Variants in TMEM63B observed in about 807,000 individuals in gnomAD.
The protein encoded by TMEM63B is mechanosensitive cation channel TMEM63B.
A neutral mutation model predicts 102.6 loss-of-function variants in TMEM63B; 23 were observed. That is an observed-to-expected ratio of 0.22 (90% CI 0.16 to 0.32). The LOEUF (loss-of-function observed/expected upper bound fraction) is 0.32, where lower values mean the gene tolerates loss of function less well. Among genes scored for constraint, TMEM63B ranks in the 10% least tolerant of loss-of-function variants. The probability of loss-of-function intolerance (pLI) is 1.00; values close to 1 mark genes in which losing one functional copy is unlikely to be tolerated. For synonymous variants in TMEM63B, 444 were observed against 437.0 expected (o/e 1.02, Z -0.20); for missense variants, 628 against 1,095.9 (o/e 0.57, Z 6.03).
rs549324639 is a variant in TMEM63B, at chr6:44,136,020, C to T, written c.279-329C>T. ...TAATGTTGGCTCCGTTGCCCGCCCC[C>T]GGCCCCTGCCAGTCAACTCTGGAAC... On this transcript the variant is annotated intron_variant, in intron 4 of 23. Coordinates refer to ENST00000323267, the MANE Select transcript of TMEM63B (RefSeq NM_018426.3). Among the ~76,000 whole-genome samples the T allele has an allele frequency of 5.3e-5, 8 of 152,286 alleles. No individual in the cohort carries two copies. In the South Asian group the frequency reaches 6.2e-4, roughly 12 times the overall value.
At chr6:44,142,280 A>G (rs1354359971) in intron 10 of TMEM63B, among the ~76,000 whole-genome samples, 1 of 151,830 alleles carries the variant, frequency 6.6e-6, no homozygotes, top group Non-Finnish European at 1.5e-5. Flanking sequence ...AAAAAAAAAA[A>G]AAAAAAATCA....
At chr6:44,138,433 G>A (rs766388897) in intron 5 of TMEM63B, 47 bp from the exon 6 acceptor site, 21 of 1,613,222 alleles carry the variant, frequency 1.3e-5, no homozygotes, top group African/African-American at 8.0e-5. Flanking sequence ...AGAGAGGTTC[G>A]GGTTGGTGGG....
intron 10 of TMEM63B, among the ~76,000 whole-genome samples, chr6:44,145,389 T>G (rs937149279): frequency 2.0e-5 from 3 of 149,058 alleles, no homozygotes; most frequent in East Asian, 2.0e-4. Context: ...GAGACCAGCC[T>G]GGCCAACATG....
chr6:44,148,369 G>A lies in TMEM63B; in HGVS notation c.1105G>A (p.Glu369Lys). 6.2e-7 allele frequency: 1 copy of A among 1,614,246 alleles called. No homozygotes were observed. The highest frequency in any genetic ancestry group is 8.5e-7 in the Non-Finnish European group (1 of 1,180,042). ...LGMAFVTFHN[E>K]TITAIILKDF... ...CATGGCCTTTGTCACCTTCCACAAT[G>A]AGACTATCACCGCCATGTGAGTCCC... The change falls in exon 13 of 24, where the codon GAG becomes AAG. Residue 369 changes from glutamate (E) to lysine (K), a missense_variant. By Grantham distance (56) the Glu-to-Lys change is moderately conservative (BLOSUM62 1). Coordinates refer to ENST00000323267, the MANE Select transcript of TMEM63B (RefSeq NM_018426.3). This position sits in a 1 kb window ranked among gnomAD's most constrained non-coding sequence, Gnocchi z 5.1.
chr6:44,138,352 T>A, intron 5 of TMEM63B, 128 bp from the exon 6 acceptor site: 1 of 1,035,244 alleles, frequency 9.7e-7, no homozygotes, highest in Non-Finnish European at 1.5e-6. Flanking sequence ...GGTATAAGGA[T>A]TTTTTTTTAG....
Position 44,139,537 on chromosome 6 carries a change from G to A in TMEM63B, c.478G>A (p.Gly160Arg), listed in dbSNP as rs762999319. ...HYLSFQRHII[G>R]LLVVVGVLSV... The stretch of plus-strand genomic sequence containing the variant: ...CCTGTCCTTTCAGCGGCACATCATC[G>A]GGCTGCTGGTGGTTGTGGGCGTCCT... The change falls in exon 7 of 24, where the codon GGG becomes AGG. Residue 160 changes from glycine to arginine, a missense_variant. Gly to Arg is a moderately radical substitution (Grantham distance 125). Coordinates refer to ENST00000323267, the MANE Select transcript of TMEM63B (RefSeq NM_018426.3). 6.8e-6 allele frequency: 11 copies of A among 1,614,210 alleles called. No individual in the cohort carries two copies. The highest frequency in any genetic ancestry group is 7.6e-6 in the Non-Finnish European group (9 of 1,180,048).
intron 1 of TMEM63B, among the ~76,000 whole-genome samples, chr6:44,128,751 G>A (rs752683734): frequency 6.6e-6 from 1 of 152,250 alleles, no homozygotes; most frequent in African/African-American, 2.4e-5. Flanking sequence ...CCAGGCCAGG[G>A]TGAGGTGGGG....
chr6:44,139,739 C>T lies in TMEM63B; in HGVS notation c.582C>T (p.Thr194=). ...ENNAYSFGRT[T]IANLKSGNNL... ...ATGCCTACAGCTTTGGGAGAACCAC[C>T]ATTGCCAACTTGAAATCAGGGTAAG... The change falls in exon 8 of 24, where the codon ACC becomes ACT. Residue 194 remains threonine, a synonymous_variant. Transcript: ENST00000323267. 1 of 1,614,160 alleles carries T rather than the reference C, an allele frequency of 6.2e-7. No homozygotes were observed. Among genetic ancestry groups the T allele is most frequent in the Middle Eastern group, 1.6e-4 (1 of 6,062 alleles).
chr6:44,128,060 T>G (rs1211410508), intron 1 of TMEM63B, among the ~76,000 whole-genome samples: 1 of 150,968 alleles, frequency 6.6e-6, no homozygotes, highest in Non-Finnish European at 1.5e-5. Flanking sequence ...CGCCGCCGTT[T>G]GGGGAACTAG....
chr6:44,148,709 G>A lies in TMEM63B; in HGVS notation c.1259+59G>A, dbSNP rs1445326654. The A allele has an allele frequency of 3.7e-6, 6 of 1,610,816 alleles. No individual in the cohort carries two copies. The highest frequency in any genetic ancestry group is 4.2e-6 in the Non-Finnish European group (5 of 1,177,540). ...GGCCTGGGATGGGCTCAGTAGGTAG[G>A]CGGAGGAGAGGGAGTGTCTTGGTGT... On this transcript the variant is annotated intron_variant, in intron 14 of 23. Transcript: ENST00000323267. The surrounding 1 kb of genome is among the most constrained non-coding windows in gnomAD (Gnocchi z 5.1).
chr6:44,153,953 A>G, intron 21 of TMEM63B, 110 bp downstream of exon 21: 1 of 1,561,416 alleles, frequency 6.4e-7, no homozygotes, highest in South Asian at 1.2e-5. Flanking sequence ...GGGGCCTGGG[A>G]GAGGCTGGGG....
At chr6:44,133,028 A>G (rs146429342) in intron 1 of TMEM63B, among the ~76,000 whole-genome samples, 1 of 152,308 alleles carries the variant, frequency 6.6e-6, no homozygotes, top group East Asian at 1.9e-4. Context: ...TGTCAGTGAC[A>G]CTCAATTCAG....
chr6:44,149,061 C>T (rs1582816644), intron 15 of TMEM63B, 116 bp downstream of exon 15: 1 of 1,517,096 alleles, frequency 6.6e-7, no homozygotes. Flanking sequence ...AACCCCGTGC[C>T]ACCAACCAGC....
intron 2 of TMEM63B, 39 bp from the exon 3 acceptor site, chr6:44,134,978 A>G: frequency 1.2e-6 from 2 of 1,608,902 alleles, no homozygotes; most frequent in Non-Finnish European, 1.7e-6. Flanking sequence ...AGGTGGACAG[A>G]CAGCCTCTGC....
intron 23 of TMEM63B, 115 bp from the exon 24 acceptor site, chr6:44,154,577 G>C: frequency 6.9e-7 from 1 of 1,457,848 alleles, no homozygotes; most frequent in Non-Finnish European, 9.3e-7. Flanking sequence ...TCTCCCTGGA[G>C]GGCTGCCCCC....
chr6:44,148,747 A>T lies in TMEM63B; in HGVS notation c.1260-45A>T. On this transcript the variant is annotated intron_variant, in intron 14 of 23. Transcript: ENST00000323267. The surrounding 1 kb of genome is among the most constrained non-coding windows in gnomAD (Gnocchi z 5.1). ...AGTGTCTTGGTGTCACTGGGGGCCA[A>T]TCCTGCCCTTGGTTCCTGGACTGAC... is the stretch of plus-strand genomic sequence containing the variant. 3 of 1,612,396 alleles carry T rather than the reference A, an allele frequency of 1.9e-6. No homozygotes were observed. The highest frequency in any genetic ancestry group is 2.7e-5 in the African/African-American group (2 of 74,968).
chr6:44,154,632 G>A lies in TMEM63B; in HGVS notation c.2308-60G>A, dbSNP rs527913627. ...ACTCTGCTGTCCTACATGCCCTGGT[G>A]TTCCCGCAATCCATGAGGGGCAGCT... On this transcript the variant is annotated intron_variant, in intron 23 of 23. Coordinates refer to ENST00000323267, the MANE Select transcript of TMEM63B (RefSeq NM_018426.3). 6 of 1,513,690 alleles carry A rather than the reference G, an allele frequency of 4.0e-6. No individual in the cohort carries two copies. The South Asian group carries it at 5.2e-5, about 13-fold the overall frequency. The allele number at this position is 1,513,690 out of a possible 1,614,324, so 93.8% of individuals were successfully genotyped here.
At chr6:44,136,298 G>C (rs756086085) in intron 4 of TMEM63B, 51 bp from the exon 5 acceptor site, 10 of 1,524,844 alleles carry the variant, frequency 6.6e-6, no homozygotes, top group African/African-American at 1.4e-5. Context: ...CCAGCTTCCC[G>C]GGGGCTCAGA....
At chr6:44,143,563 GTTTGTTGTT>G (rs570615845) in intron 10 of TMEM63B, among the ~76,000 whole-genome samples, 2,458 of 125,692 alleles carry the variant, frequency 0.02, 27 homozygotes, top group Middle Eastern at 0.066. Context: ...GAAATCTGGT[GTTTGTTGTT>G]TTTGTTTTTG....
Sources: allele counts gnomAD v4.1 joint callset (sites outside exome capture counted in the v4.1 genomes callset), GRCh38; gene constraint gnomAD v4.1.1; non-coding constraint Gnocchi (gnomAD v3.1); transcripts MANE v1.5; gene names NCBI Gene and HGNC (gene_info 2026-07-23, HGNC 2026-07-21).